The following SLCO4C1 variants were observed in gnomAD, a reference collection of about 807,000 sequenced individuals.
The protein encoded by SLCO4C1 is organic anion transporter M1.
Under a neutral mutation model 72.1 loss-of-function variants are expected in SLCO4C1, and 58 were observed. The ratio of observed to expected loss-of-function variants is 0.80; its 90% confidence interval spans 0.65 to 1.00. SLCO4C1 has a LOEUF of 1.00. Ranked by LOEUF, SLCO4C1 falls within the 50% of genes least tolerant of loss-of-function variation. SLCO4C1 has a pLI of 0.00. For synonymous variants in SLCO4C1, 297 were observed against 312.5 expected, an observed-to-expected ratio of 0.95 and a Z score of 0.52; for missense variants, 898 against 857.9, an observed-to-expected ratio of 1.05 and a Z score of -0.58.
chr5:102,291,286 A>C, intron 2 of SLCO4C1, 57 bp downstream of exon 2: 1 of 1,542,584 alleles, frequency 6.5e-7, no homozygotes, highest in Non-Finnish European at 8.8e-7. Context: ...AAAGTTAATG[A>C]CCTAGTTTTA....
At chr5:102,237,627 A>C (rs908440993) in intron 12 of SLCO4C1, among the ~76,000 whole-genome samples, 1 of 152,132 alleles carries the variant, frequency 6.6e-6, no homozygotes, top group African/African-American at 2.4e-5. Flanking sequence ...TAAATAAATA[A>C]ATTCGTTAAC....
At chr5:102,289,984 T>C (rs1015179959) in intron 2 of SLCO4C1, among the ~76,000 whole-genome samples, 1 of 152,202 alleles carries the variant, frequency 6.6e-6, no homozygotes. Flanking sequence ...GAAAGATTAA[T>C]ACTTTAATAT....
intron 2 of SLCO4C1, among the ~76,000 whole-genome samples, chr5:102,285,165 G>C (rs1435128752): frequency 6.6e-6 from 1 of 150,744 alleles, no homozygotes; most frequent in Non-Finnish European, 1.5e-5. Context: ...CCAAGAGGCA[G>C]TATTAAACAG....
intron 11 of SLCO4C1, among the ~76,000 whole-genome samples, chr5:102,239,967 T>A (rs898017917): frequency 6.6e-6 from 1 of 152,036 alleles, no homozygotes; most frequent in Non-Finnish European, 1.5e-5. Flanking sequence ...TTCCAATTAT[T>A]TGAGGTTGTA....
chr5:102,282,070 G>GA (rs1749367410), intron 2 of SLCO4C1, among the ~76,000 whole-genome samples: 4 of 151,994 alleles, frequency 2.6e-5, no homozygotes. Context: ...CTAATCAGCA[G>GA]TAGAAAGAAC....
intron 3 of SLCO4C1, among the ~76,000 whole-genome samples, chr5:102,267,883 C>T (rs35941780): frequency 0.12 from 17,797 of 151,926 alleles, 1,190 homozygotes; most frequent in Admixed American, 0.16. Flanking sequence ...GATTAATTTT[C>T]ATCTATTTGT....
At position 102,240,686 on chromosome 5, in the gene SLCO4C1, C is replaced by A. The variant is rs377477286; in HGVS notation, c.1876+32G>T. On this transcript the variant is annotated intron_variant, in intron 11 of 12. Coordinates refer to ENST00000310954, the MANE Select transcript of SLCO4C1 (RefSeq NM_180991.5). ...AACACTAATGAACCAAAATAGCCAA[C>A]AGTTAGCAATGAATAAAGAAAAATG... The A allele has an allele frequency of 1.5e-5, 24 of 1,572,044 alleles. No homozygotes were observed. The South Asian group carries it at 2.3e-4, about 15-fold the overall frequency.
At chr5:102,283,880 G>T (rs902472519) in intron 2 of SLCO4C1, among the ~76,000 whole-genome samples, 49 of 152,010 alleles carry the variant, frequency 3.2e-4, no homozygotes, top group African/African-American at 1.2e-3. Context: ...CATTAAAAGA[G>T]AATTTTCTTA....
chr5:102,257,198 T>C lies in SLCO4C1; in HGVS notation c.1386A>G (p.Gly462=). The C allele has an allele frequency of 6.2e-7, 1 of 1,609,848 alleles. No homozygotes were observed. Residue 462 remains glycine, a synonymous_variant, in exon 8 of 13, where the codon GGA becomes GGG. Coordinates refer to ENST00000310954, the MANE Select transcript of SLCO4C1 (RefSeq NM_180991.5). ...NTMKFALFTS[G]VALTLSFVFM... ...ATACAAAACTCAGCGTAAGTGCAACTCCAGATGTGAACAGTGCAAACTTCA... is the reference window on the plus strand; with the variant it reads ...ATACAAAACTCAGCGTAAGTGCAACCCCAGATGTGAACAGTGCAAACTTCA...
chr5:102,240,126 C>A (rs1478803666), intron 11 of SLCO4C1, among the ~76,000 whole-genome samples: 2 of 152,072 alleles, frequency 1.3e-5, no homozygotes, highest in Non-Finnish European at 2.9e-5. Flanking sequence ...AAACCCTGCA[C>A]TTCTCAGGGA....
chr5:102,273,684 C>T (rs1483810240), intron 2 of SLCO4C1, among the ~76,000 whole-genome samples: 1 of 151,888 alleles, frequency 6.6e-6, no homozygotes, highest in East Asian at 1.9e-4. Flanking sequence ...ATGAACTTGC[C>T]CTGAAAAACA....
At chr5:102,254,273 T>A (rs1208042328) in intron 8 of SLCO4C1, among the ~76,000 whole-genome samples, 3 of 152,218 alleles carry the variant, frequency 2.0e-5, no homozygotes, top group African/African-American at 7.2e-5. Flanking sequence ...TTGTGTTTTT[T>A]ACAAACTGAA....
rs902386392 is a variant in SLCO4C1, at chr5:102,236,549, C to T, written c.*309G>A. 2 of 179,190 alleles carry T rather than the reference C, an allele frequency of 1.1e-5. No individual in the cohort carries two copies. The highest frequency in any genetic ancestry group is 4.8e-5 in the African/African-American group (2 of 41,780). The allele number at this position is 179,190 out of a possible 1,614,324, so 11.1% of individuals were successfully genotyped here. Reference sequence around the variant, plus strand: ...ATTGCTTGAGGATTTCATACCTAGACAATGGGAATAGGAAATAAGTGTGTA... The same window carrying T: ...ATTGCTTGAGGATTTCATACCTAGATAATGGGAATAGGAAATAAGTGTGTA... On this transcript the variant is annotated 3_prime_UTR_variant, in exon 13 of 13. Coordinates refer to ENST00000310954, the MANE Select transcript of SLCO4C1 (RefSeq NM_180991.5).
At chr5:102,262,069 C>T (rs1283535629) in intron 4 of SLCO4C1, 36 bp from the exon 5 acceptor site, 2 of 1,575,336 alleles carry the variant, frequency 1.3e-6, no homozygotes, top group Non-Finnish European at 1.7e-6. Context: ...AAAGTCAACT[C>T]TACCTTATTA....
At chr5:102,239,145 G>T in intron 12 of SLCO4C1, 106 bp downstream of exon 12, 1 of 1,015,314 alleles carries the variant, frequency 9.8e-7, no homozygotes, top group Non-Finnish European at 1.4e-6. Flanking sequence ...TCAACAATGT[G>T]GACTGAACAT....
intron 3 of SLCO4C1, among the ~76,000 whole-genome samples, chr5:102,267,426 A>T (rs890807374): frequency 4.6e-5 from 7 of 151,980 alleles, no homozygotes; most frequent in Non-Finnish European, 8.8e-5. Context: ...TGTTAGTAAG[A>T]CTAACAATCC....
At chr5:102,291,898 C>T (rs1046003906) in intron 1 of SLCO4C1, among the ~76,000 whole-genome samples, 3 of 151,918 alleles carry the variant, frequency 2.0e-5, no homozygotes, top group African/African-American at 7.2e-5. Flanking sequence ...CTCGGCTCAC[C>T]GCCACCTCCA....
chr5:102,235,060 T>C lies in SLCO4C1; in HGVS notation c.*1798A>G, dbSNP rs1392477350. 6.6e-6 allele frequency: 1 copy of C among 152,226 alleles called. No individual in the cohort carries two copies. Among genetic ancestry groups the C allele is most frequent in the Non-Finnish European group, 1.5e-5 (1 of 68,058 alleles). 9.4% of individuals were successfully genotyped at this position (152,226 alleles called of 1,614,324 possible). On this transcript the variant is annotated 3_prime_UTR_variant, in exon 13 of 13. Coordinates refer to ENST00000310954, the MANE Select transcript of SLCO4C1 (RefSeq NM_180991.5). ...ACCCACAGCTCCTCTCCTTCTCTAATATTCAAGTATGCTGCTTCCCTAACT... is the reference window on the plus strand; with the variant it reads ...ACCCACAGCTCCTCTCCTTCTCTAACATTCAAGTATGCTGCTTCCCTAACT...
Position 102,291,418 on chromosome 5 carries a change from T to A in SLCO4C1, c.544A>T (p.Ile182Phe). Residue 182 changes from isoleucine (I) to phenylalanine (F), a missense_variant, in exon 2 of 13, where the codon ATT (isoleucine) becomes TTT (phenylalanine). Physicochemically the swap from Ile to Phe is conservative, Grantham distance 21. Transcript: ENST00000310954. ...PRWLAFAAFM[I>F]GLGALVFSLP... ...GAGAATACAAGTGCTCCCAGTCCAATCATAAAGGCTGCAAATGCAAGCCAT... is the reference window on the plus strand; with the variant it reads ...GAGAATACAAGTGCTCCCAGTCCAAACATAAAGGCTGCAAATGCAAGCCAT... 1 of 1,614,122 alleles carries A rather than the reference T, an allele frequency of 6.2e-7. No homozygotes were observed. Among genetic ancestry groups the A allele is most frequent in the Non-Finnish European group, 8.5e-7 (1 of 1,180,016 alleles).
Sources: gnomAD v4.1 joint callset for allele counts (sites outside exome capture counted in the v4.1 genomes callset) on GRCh38, gnomAD v4.1.1 for gene constraint, MANE v1.5 for transcripts, NCBI Gene and HGNC (gene_info 2026-07-23, HGNC 2026-07-21) for gene names.